Variants in ITGB3 observed in about 807,000 individuals in gnomAD.
ITGB3 encodes the protein integrin subunit beta 3.
In ITGB3, 48 loss-of-function variants were observed where a neutral mutation model predicts 85.8. The ratio of observed to expected loss-of-function variants is 0.56; its 90% CI spans 0.44 to 0.71. The LOEUF (loss-of-function observed/expected upper bound fraction) is 0.71, where lower values mean the gene tolerates loss of function less well. Among genes scored for constraint, ITGB3 ranks in the 30% least tolerant of loss-of-function variants. The pLI is 0.00. For missense variants in ITGB3, 861 were observed against 1,019.1 expected, an observed-to-expected ratio of 0.84 and a Z score of 2.11; for synonymous variants, 363 against 395.6, an observed-to-expected ratio of 0.92 and a Z score of 0.98.
chr17:47,266,166 T>C (rs532608309), intron 1 of ITGB3, among the ~76,000 whole-genome samples: 66 of 152,276 alleles, frequency 4.3e-4, no homozygotes, highest in Middle Eastern at 6.8e-3. Flanking sequence ...ATGGACCTAA[T>C]TGGGAAGTGA....
At chr17:47,276,145 C>G (rs1232189718) in intron 2 of ITGB3, among the ~76,000 whole-genome samples, 1 of 152,170 alleles carries the variant, frequency 6.6e-6, no homozygotes, top group East Asian at 1.9e-4. Context: ...GTGCTTCCCC[C>G]TTTTCCTCCT....
In ITGB3 at chr17:47,255,270, C is replaced by A. The variant is rs555471295; in HGVS notation, c.79+1330C>A. On this transcript the variant is annotated intron_variant, in intron 1 of 14. Transcript: ENST00000559488. The stretch of plus-strand genomic sequence containing the variant: ...CTGGGAATACAGGCGTGAGCCACCG[C>A]ACCTGGCCAGGATTTATTTTAAAAA... 7.2e-5 allele frequency among the ~76,000 whole-genome samples: 11 copies of A among 152,218 alleles called. No individual in the cohort carries two copies. In the East Asian group the frequency reaches 2.1e-3, roughly 29 times the overall value.
chr17:47,256,647 G>A (rs1380292975), intron 1 of ITGB3, among the ~76,000 whole-genome samples: 5 of 152,186 alleles, frequency 3.3e-5, no homozygotes, highest in Admixed American at 6.5e-5. Flanking sequence ...GCACAGAGAG[G>A]TTGTCCCAGA....
intron 10 of ITGB3, among the ~76,000 whole-genome samples, chr17:47,294,709 G>A (rs3785872): frequency 0.083 from 12,689 of 152,272 alleles, 730 homozygotes; most frequent in East Asian, 0.23. Flanking sequence ...CACTTGCTCT[G>A]TGCCATCATT....
intron 2 of ITGB3, among the ~76,000 whole-genome samples, chr17:47,278,409 C>T (rs775072608): frequency 9.2e-5 from 14 of 152,164 alleles, no homozygotes; most frequent in African/African-American, 1.7e-4. Flanking sequence ...GGCAAAACCC[C>T]GTCTCTACTA....
Position 47,307,501 on chromosome 17 carries a change from T to C in ITGB3, c.2165T>C (p.Val722Ala), listed in dbSNP as rs1337204389. 1.9e-6 allele frequency: 3 copies of C among 1,614,064 alleles called. No homozygotes were observed. Among genetic ancestry groups the C allele is most frequent in the Non-Finnish European group, 2.5e-6 (3 of 1,180,050 alleles). The change falls in exon 14 of 15, where the codon GTC (valine) becomes GCC (alanine). Residue 722 changes from valine to alanine, a missense_variant. By Grantham distance (64) the Val-to-Ala change is moderately conservative (BLOSUM62 0). Transcript: ENST00000559488. ...CCCAAGGGCCCTGACATCCTGGTGG[T>C]CCTGCTCTCAGTGATGGGGGCCATT... ...ECPKGPDILV[V>A]LLSVMGAILL...
intron 13 of ITGB3, among the ~76,000 whole-genome samples, 200 bp downstream of exon 13, chr17:47,303,040 G>T (rs1192334647): frequency 1.3e-5 from 2 of 152,226 alleles, no homozygotes; most frequent in African/African-American, 4.8e-5. Context: ...CTGGGGTCAG[G>T]AGTTCAATAC....
chr17:47,287,439 GTGTTATCAC>G lies in ITGB3; in HGVS notation c.939+211_939+219del, dbSNP rs1567765098. Reference sequence around the variant, plus strand: ...ACCATTAGAGATGTCCCTGATTGTGGTGTTATCACTGCCTTCACTGTCACCAGCATAGCA... The same window carrying G: ...ACCATTAGAGATGTCCCTGATTGTGGTGCCTTCACTGTCACCAGCATAGCA... On this transcript the variant is annotated intron_variant, in intron 6 of 14. Coordinates refer to ENST00000559488, the MANE Select transcript of ITGB3 (RefSeq NM_000212.3). Among the ~76,000 whole-genome samples the G allele has an allele frequency of 9.9e-5, 15 of 152,274 alleles. No homozygotes were observed. In the South Asian group the frequency reaches 3.1e-3, roughly 32 times the overall value.
chr17:47,282,780 G>T (rs1389866997), intron 2 of ITGB3, among the ~76,000 whole-genome samples: 1 of 152,176 alleles, frequency 6.6e-6, no homozygotes, highest in Non-Finnish European at 1.5e-5. Context: ...ACTGTACTGG[G>T]TATAGTTATT....
chr17:47,288,869 A>G (rs976671427), intron 6 of ITGB3, among the ~76,000 whole-genome samples: 1 of 152,210 alleles, frequency 6.6e-6, no homozygotes, highest in African/African-American at 2.4e-5. Context: ...TTAGTGCCAA[A>G]TGGGTGTGGC....
chr17:47,289,783 G>C lies in ITGB3; in HGVS notation c.1035+7G>C. On this transcript the variant is annotated splice_region_variant and intron_variant, in intron 7 of 14. Transcript: ENST00000559488. ...TGTAGTCAATCTCTATCAGGTGACT[G>C]TGCCTTCGGGCTTCCTGGAGTGGGC... 6.2e-7 allele frequency: 1 copy of C among 1,606,148 alleles called. No individual in the cohort carries two copies. The highest frequency in any genetic ancestry group is 8.5e-7 in the Non-Finnish European group (1 of 1,172,696).
intron 14 of ITGB3, among the ~76,000 whole-genome samples, chr17:47,309,549 C>T (rs2036983111): frequency 6.6e-6 from 1 of 152,028 alleles, no homozygotes; most frequent in South Asian, 2.1e-4. Context: ...GTTCTATCCC[C>T]GAATGCTGTG....
Position 47,312,161 on chromosome 17 carries a change from T to TA in ITGB3, c.*1958dup, listed in dbSNP as rs2065217742. Reference sequence around the variant, plus strand: ...CCGTTTTCCAACATTTGTTAATAGTTACGTCTCTCCTGATGTAGCACTTAA... The same window carrying TA: ...CCGTTTTCCAACATTTGTTAATAGTTAACGTCTCTCCTGATGTAGCACTTAA... On this transcript the variant is annotated 3_prime_UTR_variant, in exon 15 of 15. Coordinates refer to ENST00000559488, the MANE Select transcript of ITGB3 (RefSeq NM_000212.3). Among the ~76,000 whole-genome samples, 2 of 152,236 alleles carry TA rather than the reference T, an allele frequency of 1.3e-5. No homozygotes were observed. The highest frequency in any genetic ancestry group is 2.4e-5 in the African/African-American group (1 of 41,468).
Position 47,302,806 on chromosome 17 carries a change from T to G in ITGB3, c.2100T>G (p.Ser700Arg), listed in dbSNP as rs2065172330. The G allele has an allele frequency of 6.2e-7, 1 of 1,614,024 alleles. No homozygotes were observed. The highest frequency in any genetic ancestry group is 1.3e-5 in the African/African-American group (1 of 74,908). ...VVRFQYYEDS[S>R]GKSILYVVEE... ...GATTCCAGTACTATGAAGATTCTAG[T>G]GGAAAGTCCATCCTGTATGTGGTAG... is the stretch of plus-strand genomic sequence containing the variant. Residue 700 changes from serine (S) to arginine (R), a missense_variant, in exon 13 of 15, where the codon AGT (serine) becomes AGG (arginine). Coordinates refer to ENST00000559488, the MANE Select transcript of ITGB3 (RefSeq NM_000212.3).
At chr17:47,302,436 G>A (rs2065170587) in intron 12 of ITGB3, among the ~76,000 whole-genome samples, 2 of 152,180 alleles carry the variant, frequency 1.3e-5, no homozygotes, top group African/African-American at 4.8e-5. Context: ...CGGGTAGGTA[G>A]TGAAGCCAGG....
intron 2 of ITGB3, among the ~76,000 whole-genome samples, chr17:47,277,129 G>A (rs1041490536): frequency 1.2e-4 from 19 of 152,084 alleles, no homozygotes; most frequent in African/African-American, 4.6e-4. Flanking sequence ...ATACCGACGC[G>A]GGTTGGGTTG....
In ITGB3 at chr17:47,307,623, G is replaced by T; in HGVS notation, c.2287G>T (p.Ala763Ser). 1 of 1,614,218 alleles carries T rather than the reference G, an allele frequency of 6.2e-7. No homozygotes were observed. The highest frequency in any genetic ancestry group is 8.5e-7 in the Non-Finnish European group (1 of 1,180,038). ...FAKFEEERARAKWDTANNPLY... is the reference protein window; with the variant it reads ...FAKFEEERARSKWDTANNPLY... ...TAAATTTGAGGAAGAACGCGCCAGA[G>T]CAAAATGGGACACAGTAAGAGACGG... The change falls in exon 14 of 15, where the codon GCA becomes TCA. Residue 763 changes from alanine to serine, a missense_variant. Coordinates refer to ENST00000559488, the MANE Select transcript of ITGB3 (RefSeq NM_000212.3).
In ITGB3 at chr17:47,292,424, G is replaced by C; in HGVS notation, c.1546G>C (p.Glu516Gln). Residue 516 changes from glutamate (E) to glutamine (Q), a missense_variant, in exon 10 of 15, where the codon GAG becomes CAG. Transcript: ENST00000559488. ...CCAGCAGGACGAATGCAGCCCCCGG[G>C]AGGGTCAGCCCGTCTGCAGCCAGCG... ...PSQQDECSPR[E>Q]GQPVCSQRGE... The C allele has an allele frequency of 1.9e-6, 3 of 1,611,268 alleles. No homozygotes were observed. Among genetic ancestry groups the C allele is most frequent in the Non-Finnish European group, 1.7e-6 (2 of 1,177,620 alleles).
intron 10 of ITGB3, among the ~76,000 whole-genome samples, chr17:47,294,823 C>T (rs2065139774): frequency 6.6e-6 from 1 of 152,212 alleles, no homozygotes; most frequent in Non-Finnish European, 1.5e-5. Context: ...CTCTATGCTT[C>T]ATTCTTTGCT....
Sources: gnomAD v4.1 joint callset for allele counts (sites outside exome capture counted in the v4.1 genomes callset) on GRCh38, gnomAD v4.1.1 for gene constraint, MANE v1.5 for transcripts, NCBI Gene and HGNC (gene_info 2026-07-23, HGNC 2026-07-21) for gene names.